Variants in CSMD3 observed in about 807,000 individuals in gnomAD.
The protein encoded by CSMD3 is CUB and Sushi multiple domains 3.
Under a neutral mutation model 435.2 loss-of-function variants are expected in CSMD3, and 177 were observed. The observed-to-expected ratio is 0.41, with a 90% confidence interval of 0.36 to 0.46. The LOEUF (loss-of-function observed/expected upper bound fraction) is 0.46. Ranked by LOEUF, CSMD3 falls within the 20% of genes least tolerant of loss-of-function variation. CSMD3 has a pLI of 0.34. For synonymous variants in CSMD3, 1,656 were observed against 1,520.5 expected, an observed-to-expected ratio of 1.09 and a Z score of -2.07; for missense variants, 4,265 against 4,504.6, an observed-to-expected ratio of 0.95 and a Z score of 1.52.
At chr8:113,276,849 A>G (rs533276831) in intron 3 of CSMD3, among the ~76,000 whole-genome samples, 1 of 152,170 alleles carries the variant, frequency 6.6e-6, no homozygotes, top group South Asian at 2.1e-4. Context: ...TTAAGTCAGC[A>G]CATGCCAAAC....
At chr8:112,467,202 A>G (rs1165906382) in intron 32 of CSMD3, among the ~76,000 whole-genome samples, 1 of 152,220 alleles carries the variant, frequency 6.6e-6, no homozygotes, top group Non-Finnish European at 1.5e-5. Flanking sequence ...AGACTGTGCC[A>G]ATAATAAAAG....
intron 4 of CSMD3, among the ~76,000 whole-genome samples, chr8:113,116,970 T>C (rs1304079651): frequency 3.3e-5 from 5 of 152,180 alleles, no homozygotes; most frequent in Non-Finnish European, 7.4e-5. Context: ...TGGCAAAGCA[T>C]TCAAGAGGAA....
chr8:113,081,288 A>C (rs1487000545), intron 5 of CSMD3, among the ~76,000 whole-genome samples: 1 of 152,206 alleles, frequency 6.6e-6, no homozygotes, highest in Non-Finnish European at 1.5e-5. Context: ...CCTCTGTAGA[A>C]TAAACTTTCT....
intron 12 of CSMD3, among the ~76,000 whole-genome samples, chr8:112,823,061 T>C (rs530534112): frequency 7.9e-5 from 12 of 152,330 alleles, no homozygotes; most frequent in South Asian, 6.2e-4. Context: ...GATTTTTGCA[T>C]TGATGTTCAT....
At chr8:113,355,795 T>TGTGTGTGTGTG (rs66729311) in intron 1 of CSMD3, among the ~76,000 whole-genome samples, 8 of 117,866 alleles carry the variant, frequency 6.8e-5, no homozygotes, top group Admixed American at 2.5e-4. Flanking sequence ...GTGTGTGTGT[T>TGTGTGTGTGTG]TGTCAACTAT....
At chr8:113,349,089 T>C (rs183853234) in intron 1 of CSMD3, among the ~76,000 whole-genome samples, 1 of 152,254 alleles carries the variant, frequency 6.6e-6, no homozygotes, top group Non-Finnish European at 1.5e-5. Flanking sequence ...TATATGTATA[T>C]ACCATCCTCT....
At chr8:112,578,329 G>GT (rs1830096898) in intron 23 of CSMD3, among the ~76,000 whole-genome samples, 1 of 151,966 alleles carries the variant, frequency 6.6e-6, no homozygotes, top group Non-Finnish European at 1.5e-5. Flanking sequence ...GGGGCATTCG[G>GT]TTTTTTGTTA....
intron 7 of CSMD3, among the ~76,000 whole-genome samples, chr8:112,959,623 G>A (rs945682545): frequency 2.0e-5 from 3 of 151,690 alleles, no homozygotes; most frequent in Admixed American, 1.3e-4. Flanking sequence ...CTGGATGTGC[G>A]TTTCCCACTT....
intron 41 of CSMD3, among the ~76,000 whole-genome samples, chr8:112,342,971 T>TTTTATATATATATATTTA (rs1554647494): frequency 6.5e-5 from 6 of 92,406 alleles, no homozygotes; most frequent in Admixed American, 4.6e-4. Flanking sequence ...TTGAAATGTA[T>TTTTATATATATATATTTA]TATATATATA....
intron 32 of CSMD3, among the ~76,000 whole-genome samples, chr8:112,435,961 T>A (rs1814292411): frequency 6.6e-6 from 1 of 151,978 alleles, no homozygotes; most frequent in South Asian, 2.1e-4. Flanking sequence ...ATTTACACCA[T>A]TAAATTTGAA....
intron 30 of CSMD3, among the ~76,000 whole-genome samples, chr8:112,499,451 T>C (rs1171908781): frequency 6.6e-6 from 1 of 152,020 alleles, no homozygotes; most frequent in East Asian, 1.9e-4. Flanking sequence ...ATTAGGGAGT[T>C]TATTGGATGT....
intron 54 of CSMD3, among the ~76,000 whole-genome samples, chr8:112,294,098 G>T (rs1402580154): frequency 1.3e-5 from 2 of 151,964 alleles, no homozygotes; most frequent in East Asian, 3.9e-4. Context: ...TGGGGGGGGT[G>T]TAGGGGTGGA....
chr8:113,346,630 C>T (rs1206629605), intron 1 of CSMD3, among the ~76,000 whole-genome samples: 5 of 152,048 alleles, frequency 3.3e-5, no homozygotes, highest in African/African-American at 4.8e-5. Context: ...ATCTCTGTAT[C>T]TTTACCCTGC....
At chr8:112,277,299 T>C (rs2130539373) in intron 59 of CSMD3, among the ~76,000 whole-genome samples, 1 of 152,236 alleles carries the variant, frequency 6.6e-6, no homozygotes. Flanking sequence ...TCCCTCAAGT[T>C]CAAAGTTCCA....
intron 13 of CSMD3, among the ~76,000 whole-genome samples, chr8:112,790,306 T>C (rs569717844): frequency 1.3e-5 from 2 of 151,922 alleles, no homozygotes; most frequent in Admixed American, 1.3e-4. Context: ...CTACAAATGG[T>C]AGGATTTTTT....
chr8:112,598,628 G>C (rs1221370613), intron 22 of CSMD3, among the ~76,000 whole-genome samples: 1 of 149,364 alleles, frequency 6.7e-6, no homozygotes, highest in Non-Finnish European at 1.5e-5. Flanking sequence ...ATACTACAAG[G>C]CTACAGTAAC....
intron 11 of CSMD3, among the ~76,000 whole-genome samples, chr8:112,840,425 T>G (rs1387504197): frequency 6.6e-6 from 1 of 151,702 alleles, no homozygotes; most frequent in African/African-American, 2.4e-5. Flanking sequence ...CTGGAGAGAA[T>G]AAGGAGGAAG....
chr8:113,037,568 G>A (rs1466293658), intron 5 of CSMD3, among the ~76,000 whole-genome samples: 1 of 151,914 alleles, frequency 6.6e-6, no homozygotes, highest in Non-Finnish European at 1.5e-5. Context: ...CCAGTATGTT[G>A]TACTACATTG....
At chr8:113,169,506 A>G (rs985570612) in intron 4 of CSMD3, among the ~76,000 whole-genome samples, 1 of 152,094 alleles carries the variant, frequency 6.6e-6, no homozygotes, top group African/African-American at 2.4e-5. Flanking sequence ...CCACAAATAT[A>G]CTCAAATCAT....
Sources: allele counts gnomAD v4.1 joint callset (sites outside exome capture counted in the v4.1 genomes callset), GRCh38; gene constraint gnomAD v4.1.1; transcripts MANE v1.5; gene names NCBI Gene and HGNC (gene_info 2026-07-23, HGNC 2026-07-21).